The following NUP37 variants were observed in gnomAD, a reference collection of about 807,000 sequenced individuals.
NUP37 encodes nucleoporin 37.
A neutral mutation model predicts 45.4 loss-of-function variants in NUP37; 33 were observed. The observed-to-expected ratio is 0.73, with a 90% CI of 0.55 to 0.97. NUP37 has a LOEUF of 0.97. Among genes scored for constraint, NUP37 ranks in the 50% least tolerant of loss-of-function variants. The pLI is 0.00. For missense variants in NUP37, 365 were observed against 389.7 expected, an observed-to-expected ratio of 0.94 and a Z score of 0.53; for synonymous variants, 127 against 130.7, an observed-to-expected ratio of 0.97 and a Z score of 0.19.
At chr12:102,080,613 C>T (rs752632530) in intron 6 of NUP37, among the ~76,000 whole-genome samples, 10 of 152,154 alleles carry the variant, frequency 6.6e-5, no homozygotes, top group Admixed American at 2.6e-4. Flanking sequence ...AAATTACTAT[C>T]GTTAATCCCA....
chr12:102,081,310 G>A (rs1594384844), intron 6 of NUP37, among the ~76,000 whole-genome samples: 1 of 152,300 alleles, frequency 6.6e-6, no homozygotes, highest in East Asian at 1.9e-4. Flanking sequence ...GCTCAATTAT[G>A]ACAAATCTTT....
intron 5 of NUP37, among the ~76,000 whole-genome samples, chr12:102,089,430 G>A (rs1376848413): frequency 2.3e-5 from 3 of 128,444 alleles, no homozygotes; most frequent in East Asian, 2.5e-4. Context: ...CCTCACTTCC[G>A]AGGCACTCCT....
In NUP37 at chr12:102,074,176, CAG is replaced by C. The variant is rs1260476692; in HGVS notation, c.*176_*177del. The C allele has an allele frequency of 2.3e-6, 1 of 429,606 alleles. No homozygotes were observed. The highest frequency in any genetic ancestry group is 3.9e-5 in the Admixed American group (1 of 25,492). The allele number at this position is 429,606 out of a possible 1,614,324, so 26.6% of individuals were successfully genotyped here. ...TATATATATATACACACACAGAGAA[CAG>C]AGTAGAAAAATAATTTTTCAAACCA... On this transcript the variant is annotated 3_prime_UTR_variant, in exon 10 of 10. Transcript: ENST00000552283.
In NUP37 at chr12:102,074,358, A is replaced by G. The variant is rs1879109064; in HGVS notation, c.977T>C (p.Val326Ala). ...ATCTAAGGTACAGAAAACACTTTATACTTCAGTCACCCAAAACAACAGCTT... is the reference window on the plus strand; with the variant it reads ...ATCTAAGGTACAGAAAACACTTTATGCTTCAGTCACCCAAAACAACAGCTT... ...DHKLLFWVTE[V>A] Residue 326 changes from valine (V) to alanine (A), a missense_variant, in exon 10 of 10, where the codon GTA (valine) becomes GCA (alanine). Coordinates refer to ENST00000552283, the MANE Select transcript of NUP37 (RefSeq NM_024057.4). 3 of 1,594,414 alleles carry G rather than the reference A, an allele frequency of 1.9e-6. No homozygotes were observed. Among genetic ancestry groups the G allele is most frequent in the South Asian group, 2.2e-5 (2 of 89,766 alleles).
At chr12:102,119,404 A>T (rs191158277) in intron 1 of NUP37, 1 of 152,308 alleles carries the variant, frequency 6.6e-6, no homozygotes, top group Non-Finnish European at 1.5e-5. Context: ...GTATCCCGGA[A>T]CTTAAAAATT....
At chr12:102,109,969 A>G (rs979446849) in intron 3 of NUP37, among the ~76,000 whole-genome samples, 10 of 152,236 alleles carry the variant, frequency 6.6e-5, no homozygotes, top group African/African-American at 2.2e-4. Flanking sequence ...AAGGAAATCA[A>G]CAGCACACCA....
chr12:102,074,603 C>A (rs1879116585), intron 9 of NUP37, 136 bp from the exon 10 acceptor site: 1 of 600,382 alleles, frequency 1.7e-6, no homozygotes, highest in East Asian at 2.8e-5. Flanking sequence ...TGCTCCCTTA[C>A]AGGTGAAATA....
chr12:102,097,772 T>C (rs1879848477), intron 5 of NUP37, among the ~76,000 whole-genome samples: 1 of 152,156 alleles, frequency 6.6e-6, no homozygotes, highest in Non-Finnish European at 1.5e-5. Context: ...ATTTTTACCT[T>C]AAAACGATTC....
At chr12:102,076,903 C>T in intron 7 of NUP37, 56 bp from the exon 8 acceptor site, 3 of 1,273,944 alleles carry the variant, frequency 2.4e-6, no homozygotes, top group Non-Finnish European at 3.4e-6. Context: ...AGTGGGTGAA[C>T]TTAAGGTTTA....
At chr12:102,101,673 C>T (rs1879975427) in intron 3 of NUP37, among the ~76,000 whole-genome samples, 1 of 152,090 alleles carries the variant, frequency 6.6e-6, no homozygotes. Flanking sequence ...ACATGTTTTT[C>T]AGTAGTTAAT....
chr12:102,096,035 G>A (rs572210584), intron 5 of NUP37, among the ~76,000 whole-genome samples: 1 of 152,174 alleles, frequency 6.6e-6, no homozygotes, highest in East Asian at 1.9e-4. Context: ...TTCATATGTA[G>A]TTGTTATCTG....
intron 3 of NUP37, among the ~76,000 whole-genome samples, chr12:102,104,567 C>G (rs1052883023): frequency 2.6e-5 from 4 of 152,110 alleles, no homozygotes; most frequent in African/African-American, 9.7e-5. Context: ...TAAAGCTTCT[C>G]TCAGATATTT....
At chr12:102,093,262 G>A (rs543564973) in intron 5 of NUP37, among the ~76,000 whole-genome samples, 1 of 151,908 alleles carries the variant, frequency 6.6e-6, no homozygotes, top group African/African-American at 2.4e-5. Context: ...GAAGCTTTGG[G>A]GAGGATAAAA....
chr12:102,090,448 G>C (rs1480123706), intron 5 of NUP37, among the ~76,000 whole-genome samples: 1 of 152,130 alleles, frequency 6.6e-6, no homozygotes, highest in African/African-American at 2.4e-5. Context: ...AGGGAATACA[G>C]CTTCTTTGCT....
At chr12:102,087,672 G>A (rs894028245) in intron 5 of NUP37, among the ~76,000 whole-genome samples, 2 of 152,190 alleles carry the variant, frequency 1.3e-5, no homozygotes, top group African/African-American at 4.8e-5. Flanking sequence ...AACCACTACT[G>A]AAATAGTATG....
chr12:102,117,436 T>C (rs886325379), intron 2 of NUP37, among the ~76,000 whole-genome samples: 9 of 140,242 alleles, frequency 6.4e-5, no homozygotes, highest in Admixed American at 2.8e-4. Flanking sequence ...AGCAAAACTC[T>C]GTCTGAAAAA....
rs193048666 is a variant in NUP37 at position 102,120,105 on chromosome 12, G to C, written c.-121C>G. 5.9e-6 allele frequency: 1 copy of C among 169,874 alleles called. No homozygotes were observed. Among genetic ancestry groups the C allele is most frequent in the African/African-American group, 2.4e-5 (1 of 41,578 alleles). 10.5% of individuals were successfully genotyped at this position (169,874 alleles called of 1,614,324 possible). A position where few individuals can be genotyped will look rare whatever the true frequency, so the allele number is the denominator to read the frequency against. ...GCTGGTCTTCCTTGGGGGCTGCCGC[G>C]ACGCGCTGTGGCTCTGCTTCCGGGT... On this transcript the variant is annotated 5_prime_UTR_variant, in exon 1 of 10. Transcript: ENST00000552283.
intron 2 of NUP37, 129 bp from the exon 3 acceptor site, chr12:102,112,361 T>C (rs1011977352): frequency 3.7e-5 from 25 of 674,214 alleles, no homozygotes; most frequent in African/African-American, 1.5e-4. Flanking sequence ...AAATTACATA[T>C]TAAGATTTAA....
chr12:102,116,378 C>T (rs181206028), intron 2 of NUP37, among the ~76,000 whole-genome samples: 8 of 152,288 alleles, frequency 5.3e-5, no homozygotes, highest in African/African-American at 1.2e-4. Context: ...CTCTTTTGTA[C>T]ATTGGTGGCT....
Sources: allele counts gnomAD v4.1 joint callset (sites outside exome capture counted in the v4.1 genomes callset), GRCh38; gene constraint gnomAD v4.1.1; transcripts MANE v1.5; gene names NCBI Gene and HGNC (gene_info 2026-07-23, HGNC 2026-07-21).